PTPRD: variants seen among roughly 807,000 people sequenced by gnomAD.
The protein encoded by PTPRD is protein tyrosine phosphatase receptor type D, also known as receptor-type tyrosine-protein phosphatase delta.
A neutral mutation model predicts 214.5 loss-of-function variants in PTPRD; 34 were observed. The observed-to-expected ratio is 0.16, with a 90% CI of 0.12 to 0.21. PTPRD has a LOEUF of 0.21. Among genes scored for constraint, PTPRD ranks in the 10% least tolerant of loss-of-function variants. The pLI is 1.00. For missense variants in PTPRD, 2,545 were observed against 2,398.7 expected (o/e 1.06, Z -1.27); for synonymous variants, 1,128 against 845.7 (o/e 1.33, Z -5.79).
At chr9:8,808,863 C>T (rs2096742343) in intron 11 of PTPRD, among the ~76,000 whole-genome samples, 1 of 152,046 alleles carries the variant, frequency 6.6e-6, no homozygotes, top group African/African-American at 2.4e-5. Flanking sequence ...AAAGAGCTCC[C>T]CAGATGCCTT....
At chr9:9,421,464 T>C (rs547821952) in intron 8 of PTPRD, among the ~76,000 whole-genome samples, 135 of 152,234 alleles carry the variant, frequency 8.9e-4, no homozygotes, top group African/African-American at 3.2e-3. Flanking sequence ...TGTTAAGATT[T>C]GAATTGCTTG....
intron 26 of PTPRD, among the ~76,000 whole-genome samples, chr9:8,496,413 G>C (rs189970044): frequency 6.6e-6 from 1 of 152,152 alleles, no homozygotes; most frequent in Non-Finnish European, 1.5e-5. Flanking sequence ...AAACTTTTCA[G>C]AACTTTACTC....
intron 33 of PTPRD, among the ~76,000 whole-genome samples, chr9:8,453,775 C>T (rs576689341): frequency 6.6e-6 from 1 of 152,268 alleles, no homozygotes; most frequent in African/African-American, 2.4e-5. Flanking sequence ...TTTAGTAGGT[C>T]TGAGGCGGGG....
intron 11 of PTPRD, among the ~76,000 whole-genome samples, chr9:8,735,881 C>A (rs1449970081): frequency 7.4e-6 from 1 of 135,238 alleles, no homozygotes; most frequent in Non-Finnish European, 1.5e-5. Context: ...CACTGCACTC[C>A]AGTCTGGGTG....
intron 7 of PTPRD, among the ~76,000 whole-genome samples, chr9:9,590,376 CTG>C (rs1232653326): frequency 6.6e-6 from 1 of 151,984 alleles, no homozygotes; most frequent in Non-Finnish European, 1.5e-5. Flanking sequence ...TTATAAAACT[CTG>C]TACCTATGAC....
chr9:8,921,051 C>A (rs1241566256), intron 11 of PTPRD, among the ~76,000 whole-genome samples: 1 of 152,086 alleles, frequency 6.6e-6, no homozygotes, highest in East Asian at 1.9e-4. Context: ...TGACCTCTGG[C>A]AATCCGCGCG....
At chr9:10,425,844 T>C (rs886095326) in intron 2 of PTPRD, among the ~76,000 whole-genome samples, 4 of 151,982 alleles carry the variant, frequency 2.6e-5, no homozygotes, top group Non-Finnish European at 5.9e-5. Flanking sequence ...AAACACATGC[T>C]GTACATGTGA....
intron 3 of PTPRD, among the ~76,000 whole-genome samples, chr9:10,049,437 AAAG>A (rs1459774318): frequency 8.5e-5 from 9 of 106,380 alleles, no homozygotes; most frequent in Admixed American, 3.8e-4. Context: ...GAAAGAAAGA[AAAG>A]AAAAAAAAAA....
At chr9:9,237,797 A>G (rs1377176536) in intron 9 of PTPRD, among the ~76,000 whole-genome samples, 1 of 152,050 alleles carries the variant, frequency 6.6e-6, no homozygotes, top group Non-Finnish European at 1.5e-5. Context: ...CCTGCTATCT[A>G]TATGTTCAGT....
intron 6 of PTPRD, 114 bp downstream of exon 6, chr9:9,766,696 T>G (rs1390547425): frequency 2.0e-5 from 3 of 152,238 alleles, no homozygotes; most frequent in African/African-American, 7.2e-5. Flanking sequence ...AGACAAAAAG[T>G]GCATGTCCCA....
chr9:8,777,741 T>A (rs2095541434), intron 11 of PTPRD, among the ~76,000 whole-genome samples: 1 of 152,192 alleles, frequency 6.6e-6, no homozygotes, highest in Admixed American at 6.5e-5. Flanking sequence ...AAAGCCTTAT[T>A]TACTGTACTT....
At chr9:8,822,940 C>T (rs1008933869) in intron 11 of PTPRD, among the ~76,000 whole-genome samples, 3 of 152,174 alleles carry the variant, frequency 2.0e-5, no homozygotes, top group African/African-American at 7.2e-5. Context: ...ACACAGCCCA[C>T]ACTGGAATCT....
chr9:8,554,812 C>T (rs72696652), intron 14 of PTPRD, among the ~76,000 whole-genome samples: 1 of 152,138 alleles, frequency 6.6e-6, no homozygotes, highest in South Asian at 2.1e-4. Context: ...AGCCTGCAAA[C>T]CCCACAAAAC....
chr9:10,163,125 A>C (rs2154290845), intron 3 of PTPRD, among the ~76,000 whole-genome samples: 1 of 148,746 alleles, frequency 6.7e-6, no homozygotes. Flanking sequence ...TTTTTAAATA[A>C]CCCTTATTCT....
intron 10 of PTPRD, among the ~76,000 whole-genome samples, chr9:9,134,484 A>G (rs1209204693): frequency 6.6e-6 from 1 of 152,216 alleles, no homozygotes; most frequent in Non-Finnish European, 1.5e-5. Context: ...ACTGGAATAC[A>G]GCAGTAGCCT....
chr9:9,565,600 A>G (rs1175733802), intron 8 of PTPRD, among the ~76,000 whole-genome samples: 1 of 151,968 alleles, frequency 6.6e-6, no homozygotes, highest in Non-Finnish European at 1.5e-5. Context: ...ACATATAAGA[A>G]ATATAAAGAA....
At chr9:9,137,712 A>C (rs1262315265) in intron 10 of PTPRD, among the ~76,000 whole-genome samples, 1 of 152,162 alleles carries the variant, frequency 6.6e-6, no homozygotes, top group Non-Finnish European at 1.5e-5. Flanking sequence ...CTGTACTCTC[A>C]CAGGACATTG....
chr9:10,184,412 G>A (rs1028843258), intron 3 of PTPRD, among the ~76,000 whole-genome samples: 8 of 152,110 alleles, frequency 5.3e-5, no homozygotes, highest in Non-Finnish European at 1.0e-4. Context: ...AAAACAGAGC[G>A]AGGCTCCATT....
chr9:9,075,734 C>A (rs1338318233), intron 10 of PTPRD, among the ~76,000 whole-genome samples: 4 of 152,014 alleles, frequency 2.6e-5, no homozygotes, highest in South Asian at 2.1e-4. Context: ...TACCAAGGAC[C>A]TGAACTCATC....
Sources: allele counts gnomAD v4.1 joint callset (sites outside exome capture counted in the v4.1 genomes callset), GRCh38; gene constraint gnomAD v4.1.1; transcripts MANE v1.5; gene names NCBI Gene and HGNC (gene_info 2026-07-23, HGNC 2026-07-21).